Variants in ATG2A observed in about 807,000 individuals in gnomAD.
The protein encoded by ATG2A is autophagy related 2A, also known as autophagy-related protein 2 homolog A.
In ATG2A, 103 loss-of-function variants were observed where a neutral mutation model predicts 214.2. The observed-to-expected ratio is 0.48, with a 90% confidence interval of 0.41 to 0.57. The LOEUF is 0.57. Ranked by LOEUF, ATG2A falls within the 20% of genes least tolerant of loss-of-function variation. ATG2A has a pLI of 0.00. For missense variants in ATG2A, 2,312 were observed against 2,613.2 expected, an observed-to-expected ratio of 0.88 and a Z score of 2.51; for synonymous variants, 1,160 against 1,142.1, an observed-to-expected ratio of 1.02 and a Z score of -0.32.
chr11:64,908,899 C>T, intron 16 of ATG2A, 92 bp downstream of exon 16: 1 of 1,467,834 alleles, frequency 6.8e-7, no homozygotes, highest in Non-Finnish European at 9.2e-7. Flanking sequence ...GGTCGTGCTG[C>T]CCTGGCCCAC....
intron 1 of ATG2A, 85 bp from the exon 2 acceptor site, chr11:64,914,585 G>A (rs1944908136): frequency 6.6e-7 from 1 of 1,508,708 alleles, no homozygotes; most frequent in South Asian, 1.2e-5. Flanking sequence ...ATAGTGCCTT[G>A]GAGAGCACCC....
In ATG2A at chr11:64,898,116, G is replaced by A; in HGVS notation, c.4828C>T (p.Pro1610Ser). The A allele has an allele frequency of 4.3e-6, 7 of 1,614,160 alleles. No homozygotes were observed. Among genetic ancestry groups the A allele is most frequent in the Non-Finnish European group, 5.1e-6 (6 of 1,180,034 alleles). Residue 1610 changes from proline (P) to serine (S), a missense_variant, in exon 34 of 41, where the codon CCC becomes TCC. By Grantham distance (74) the Pro-to-Ser change is moderately conservative. Transcript: ENST00000377264. The surrounding 1 kb of genome is among the most constrained non-coding windows in gnomAD (Gnocchi z 4.5). ...GCGGAGGTCTCCCCTGGGACCACGG[G>A]GTTGATGCCGGCCACCAGACTAGTG... The part of the protein sequence containing the change: ...FFTSLVAGIN[P>S]VVPGETSAEA...
chr11:64,894,990 C>G lies in ATG2A; in HGVS notation c.5800G>C (p.Asp1934His). 6.2e-7 allele frequency: 1 copy of G among 1,612,290 alleles called. No individual in the cohort carries two copies. ...HKDHALKWRS[D>H]SAQD ...CCCCAGGCTCAGTCTTGGGCACTGT[C>G]CGAGCGCCACTTGAGGGCGTGGTCC... is the stretch of plus-strand genomic sequence containing the variant. The change falls in exon 41 of 41, where the codon GAC becomes CAC. Residue 1934 changes from aspartate (D) to histidine (H), a missense_variant. Coordinates refer to ENST00000377264, the MANE Select transcript of ATG2A (RefSeq NM_015104.3).
Position 64,898,493 on chromosome 11 carries a change from G to T in ATG2A, c.4672-131C>A. ...GTTCCCTTCGCTAACACAGCCCCTA[G>T]CTCTGCCCTTCTCCCAGGCTCACAA... On this transcript the variant is annotated intron_variant, in intron 32 of 40. Coordinates refer to ENST00000377264, the MANE Select transcript of ATG2A (RefSeq NM_015104.3). The surrounding 1 kb of genome is among the most constrained non-coding windows in gnomAD (Gnocchi z 4.5). 7.6e-7 allele frequency: 1 copy of T among 1,322,662 alleles called. No homozygotes were observed. Among genetic ancestry groups the T allele is most frequent in the Non-Finnish European group, 1.0e-6 (1 of 954,476 alleles). The allele number at this position is 1,322,662 out of a possible 1,614,324, so 81.9% of individuals were successfully genotyped here.
Position 64,902,049 on chromosome 11 carries a change from C to T in ATG2A, c.4032G>A (p.Lys1344=), listed in dbSNP as rs775195565. ...CGCCCTCCTCTTCCCTTTCATCTTC[C>T]TTCTCCTCTGAGCATGACCCTAAGC... ...AGSLGSCSEE[K]EDEREEEGDG... is the part of the protein sequence containing the mutation. Residue 1344 remains lysine, a synonymous_variant, in exon 29 of 41, where the codon AAG becomes AAA. Transcript: ENST00000377264. The T allele has an allele frequency of 9.9e-6, 16 of 1,614,084 alleles. No individual in the cohort carries two copies. The highest frequency in any genetic ancestry group is 1.1e-5 in the Non-Finnish European group (13 of 1,180,036).
In ATG2A at chr11:64,898,108, G is replaced by A. The variant is rs747275609; in HGVS notation, c.4836C>T (p.Val1612=). Residue 1612 remains valine, a synonymous_variant, in exon 34 of 41, where the codon GTC becomes GTT. Coordinates refer to ENST00000377264, the MANE Select transcript of ATG2A (RefSeq NM_015104.3). The surrounding 1 kb of genome is among the most constrained non-coding windows in gnomAD (Gnocchi z 4.5). ...CACCCTCAGCGGAGGTCTCCCCTGG[G>A]ACCACGGGGTTGATGCCGGCCACCA... ...TSLVAGINPV[V]PGETSAEARP... 4 of 1,613,994 alleles carry A rather than the reference G, an allele frequency of 2.5e-6. No individual in the cohort carries two copies. The African/African-American group carries it at 4.0e-5, about 16-fold the overall frequency.
intron 9 of ATG2A, 136 bp downstream of exon 9, chr11:64,911,706 C>T: frequency 7.7e-7 from 1 of 1,290,776 alleles, no homozygotes; most frequent in Non-Finnish European, 1.1e-6. Context: ...TTGTTTGGTC[C>T]CCAGGGAACC....
chr11:64,909,505 C>A lies in ATG2A; in HGVS notation c.2108-138G>T. 9.3e-6 allele frequency: 13 copies of A among 1,394,932 alleles called. 1 individual carries two copies. In the South Asian group the frequency reaches 1.7e-4, roughly 18 times the overall value. 86.4% of individuals were successfully genotyped at this position (1,394,932 alleles called of 1,614,324 possible). A position where few individuals can be genotyped will look rare whatever the true frequency, so the allele number is the denominator to read the frequency against. On this transcript the variant is annotated intron_variant, in intron 14 of 40. Coordinates refer to ENST00000377264, the MANE Select transcript of ATG2A (RefSeq NM_015104.3). ...GCAGAGAAAGCCAGAGACAAAGGGTCCACCCTACTTGTCGGTGAGGAGGCC... is the reference window on the plus strand; with the variant it reads ...GCAGAGAAAGCCAGAGACAAAGGGTACACCCTACTTGTCGGTGAGGAGGCC...
rs746572648 is a variant in ATG2A at position 64,909,656 on chromosome 11, A to G, written c.2107+25T>C. On this transcript the variant is annotated intron_variant, in intron 14 of 40. Transcript: ENST00000377264. ...CCCAGAAGCCAGGCCTCTTGCCCCA[A>G]GTTCTGTCACTCGGGGGCTCTCACC... 9 of 1,604,482 alleles carry G rather than the reference A, an allele frequency of 5.6e-6. No homozygotes were observed. In the South Asian group the frequency reaches 9.9e-5, roughly 18 times the overall value.
chr11:64,903,364 T>C lies in ATG2A; in HGVS notation c.3536A>G (p.Asp1179Gly), dbSNP rs1177575639. Residue 1179 changes from aspartate (D) to glycine (G), a missense_variant and splice_region_variant, in exon 26 of 41, where the codon GAT (aspartate) becomes GGT (glycine). Coordinates refer to ENST00000377264, the MANE Select transcript of ATG2A (RefSeq NM_015104.3). This position sits in a 1 kb window ranked among gnomAD's most constrained non-coding sequence, Gnocchi z 4.2. ...GTCAACATCCAAAACACAGACATAA[T>C]CTGCAGCAGAGGCGAGAGAAAGGTC... ...CEVETLDLRRDYVCVLDVDLL... is the reference protein window; with the variant it reads ...CEVETLDLRRGYVCVLDVDLL... 2 of 1,613,876 alleles carry C rather than the reference T, an allele frequency of 1.2e-6. No homozygotes were observed. The highest frequency in any genetic ancestry group is 3.3e-5 in the Admixed American group (2 of 59,980).
chr11:64,897,473 TGAG>T lies in ATG2A; in HGVS notation c.5086_5088del (p.Leu1696del). On this transcript the variant is annotated inframe_deletion, in exon 37 of 41. Coordinates refer to ENST00000377264, the MANE Select transcript of ATG2A (RefSeq NM_015104.3). ...GAGCAGTTGAGTTGGGCCAGGCCGA[TGAG>T]GAGGCCAGCAAAAGTGCCCTGGGAG... 6.3e-7 allele frequency: 1 copy of T among 1,578,846 alleles called. No individual in the cohort carries two copies.
At chr11:64,905,007 C>T (rs2136583969) in intron 24 of ATG2A, among the ~76,000 whole-genome samples, 1 of 152,332 alleles carries the variant, frequency 6.6e-6, no homozygotes, top group Admixed American at 6.5e-5. Context: ...AGGCGCCTGC[C>T]ACCACCCCCG....
In ATG2A at chr11:64,914,159, G is replaced by A. The variant is rs756230306; in HGVS notation, c.409C>T (p.Arg137Trp). 1.9e-5 allele frequency: 29 copies of A among 1,552,652 alleles called. No homozygotes were observed. The highest frequency in any genetic ancestry group is 3.6e-5 in the South Asian group (3 of 84,194). The change falls in exon 3 of 41, where the codon CGG becomes TGG. Residue 137 changes from arginine to tryptophan, a missense_variant. Arg to Trp is a moderately radical substitution (Grantham distance 101). Transcript: ENST00000377264. ...TSLQLAQECL[R>W]DGLPEPSEPP... ...TCAGAGGGCTCCGGTAGCCCATCCCGCAGACACTCCTGGGCCAGCTGCAGG... is the reference window on the plus strand; with the variant it reads ...TCAGAGGGCTCCGGTAGCCCATCCCACAGACACTCCTGGGCCAGCTGCAGG...
At position 64,898,806 on chromosome 11, in the gene ATG2A, C is replaced by T. The variant is rs1038167454; in HGVS notation, c.4501G>A (p.Ala1501Thr). Reference sequence around the variant, plus strand: ...TGGCTGGGGGCCGCAGGGCCTGTGGCTGGCTCCGCTGGGTACACCTCGTGC... The same window carrying T: ...TGGCTGGGGGCCGCAGGGCCTGTGGTTGGCTCCGCTGGGTACACCTCGTGC... ...FQHEVYPAEP[A>T]TGPAAPSQEL... The change falls in exon 32 of 41, where the codon GCC becomes ACC. Residue 1501 changes from alanine to threonine, a missense_variant. Transcript: ENST00000377264. This position sits in a 1 kb window ranked among gnomAD's most constrained non-coding sequence, Gnocchi z 4.5. 1 of 1,612,716 alleles carries T rather than the reference C, an allele frequency of 6.2e-7. No individual in the cohort carries two copies. The highest frequency in any genetic ancestry group is 2.2e-5 in the East Asian group (1 of 44,876).
chr11:64,898,144 G>A lies in ATG2A; in HGVS notation c.4800C>T (p.Phe1600=), dbSNP rs753984139. The change falls in exon 34 of 41, where the codon TTC becomes TTT. Residue 1600 remains phenylalanine, a synonymous_variant. Coordinates refer to ENST00000377264, the MANE Select transcript of ATG2A (RefSeq NM_015104.3). The surrounding 1 kb of genome is among the most constrained non-coding windows in gnomAD (Gnocchi z 4.5). ...DQDALFFLKD[F]FTSLVAGINP... is the part of the protein sequence containing the mutation. ...TGATGCCGGCCACCAGACTAGTGAA[G>A]AAGTCCTTGAGGAAGAAGAGGGCAT... 6.2e-7 allele frequency: 1 copy of A among 1,614,146 alleles called. No homozygotes were observed. Among genetic ancestry groups the A allele is most frequent in the East Asian group, 2.2e-5 (1 of 44,882 alleles).
rs199982571 is a variant in ATG2A, at chr11:64,902,154, C to A, written c.3927G>T (p.Ser1309=). Residue 1309 remains serine (S), a synonymous_variant, in exon 29 of 41, where the codon TCG becomes TCT. Transcript: ENST00000377264. The part of the protein sequence containing the change: ...QPSGGHLPQA[S]PISVYLFPGE... ...CTGGGAATAGGTAGACGGAGATGGG[C>A]GACGCCTGAGGGAGGTGGCCACCTA... 2 of 1,613,136 alleles carry A rather than the reference C, an allele frequency of 1.2e-6. No homozygotes were observed. Among genetic ancestry groups the A allele is most frequent in the Non-Finnish European group, 1.7e-6 (2 of 1,179,962 alleles).
chr11:64,909,990 AC>A, intron 13 of ATG2A, 49 bp downstream of exon 13: 2 of 1,565,792 alleles, frequency 1.3e-6, no homozygotes. Context: ...GAGCCGAAGG[AC>A]CCAGGCCCTG....
Position 64,913,236 on chromosome 11 carries a change from C to T in ATG2A, c.726+30G>A. ...CTCAATGGGCTCAAGGGAGAGGAGACAGGGGCTGTGGGAATCAGAGCCCGC... is the reference window on the plus strand; with the variant it reads ...CTCAATGGGCTCAAGGGAGAGGAGATAGGGGCTGTGGGAATCAGAGCCCGC... On this transcript the variant is annotated intron_variant, in intron 5 of 40. Coordinates refer to ENST00000377264, the MANE Select transcript of ATG2A (RefSeq NM_015104.3). This position sits in a 1 kb window ranked among gnomAD's most constrained non-coding sequence, Gnocchi z 4.3. The T allele has an allele frequency of 2.5e-6, 4 of 1,612,226 alleles. No individual in the cohort carries two copies. The highest frequency in any genetic ancestry group is 2.5e-6 in the Non-Finnish European group (3 of 1,179,802).
Position 64,913,712 on chromosome 11 carries a change from C to A in ATG2A, c.590+109G>T. 2 of 1,156,754 alleles carry A rather than the reference C, an allele frequency of 1.7e-6. No individual in the cohort carries two copies. Among genetic ancestry groups the A allele is most frequent in the Non-Finnish European group, 2.5e-6 (2 of 795,980 alleles). The allele number at this position is 1,156,754 out of a possible 1,614,324, so 71.7% of individuals were successfully genotyped here. A position where few individuals can be genotyped will look rare whatever the true frequency, so the allele number is the denominator to read the frequency against. ...CAACCCTACCACCACCGAGGCCCAT[C>A]CAGATCCACCCTGCCTCTTCCCAGG... On this transcript the variant is annotated intron_variant, in intron 4 of 40. Coordinates refer to ENST00000377264, the MANE Select transcript of ATG2A (RefSeq NM_015104.3). The surrounding 1 kb of genome is among the most constrained non-coding windows in gnomAD (Gnocchi z 4.3).
Sources: allele counts gnomAD v4.1 joint callset (sites outside exome capture counted in the v4.1 genomes callset), GRCh38; gene constraint gnomAD v4.1.1; non-coding constraint Gnocchi (gnomAD v3.1); transcripts MANE v1.5; gene names NCBI Gene and HGNC (gene_info 2026-07-23, HGNC 2026-07-21).